RUNX1: variants seen among roughly 807,000 people sequenced by gnomAD.
RUNX1 encodes runt-related transcription factor 1.
A neutral mutation model predicts 42.8 loss-of-function variants in RUNX1; 19 were observed. The ratio of observed to expected loss-of-function variants is 0.44; its 90% confidence interval spans 0.31 to 0.65. The LOEUF is 0.65. Among genes scored for constraint, RUNX1 ranks in the 30% least tolerant of loss-of-function variants. RUNX1 has a pLI of 0.07. For synonymous variants in RUNX1, 271 were observed against 289.4 expected (o/e 0.94, Z 0.64); for missense variants, 528 against 672.0 (o/e 0.79, Z 2.37).
intron 2 of RUNX1, among the ~76,000 whole-genome samples, chr21:34,962,836 T>A (rs1281080780): frequency 2.0e-5 from 3 of 152,252 alleles, no homozygotes; most frequent in Non-Finnish European, 4.4e-5. Flanking sequence ...CTCACCGTTG[T>A]CACTGTCCTG....
chr21:34,791,971 G>T lies in RUNX1; in HGVS notation c.*164C>A, dbSNP rs1339892542. On this transcript the variant is annotated 3_prime_UTR_variant, in exon 9 of 9. Coordinates refer to ENST00000675419, the MANE Select transcript of RUNX1 (RefSeq NM_001754.5). The stretch of plus-strand genomic sequence containing the variant: ...GCTTCTGGGCGCAGGAGGCTGCGCG[G>T]GCCTGACCTACAGCGAGATCCTGGC... The T allele has an allele frequency of 2.2e-6, 1 of 445,364 alleles. No homozygotes were observed. Among genetic ancestry groups the T allele is most frequent in the Admixed American group, 3.9e-5 (1 of 25,440 alleles). The allele number at this position is 445,364 out of a possible 1,614,324, so 27.6% of individuals were successfully genotyped here. A position where few individuals can be genotyped will look rare whatever the true frequency, so the allele number is the denominator to read the frequency against.
chr21:34,797,141 A>C (rs1273966384), intron 8 of RUNX1, among the ~76,000 whole-genome samples: 2 of 152,222 alleles, frequency 1.3e-5, no homozygotes. Flanking sequence ...AGTTCTGCCA[A>C]ATTGAAGAGC....
chr21:34,993,092 T>TTCACCTCGTATCTGGCGGACGCCA (rs2058958110), intron 2 of RUNX1, among the ~76,000 whole-genome samples: 1 of 152,236 alleles, frequency 6.6e-6, no homozygotes, highest in Non-Finnish European at 1.5e-5. Context: ...TGCTGGGTGC[T>TTCACCTCGTATCTGGCGGACGCCA]TCACCTCGTA....
rs1051233371 is a variant in RUNX1, at chr21:34,822,988, G to A, written c.805+11422C>T. ...CAACTGGACATATGTAGTCCTTCCA[G>A]TGATATAAAGAGGAACTGGCACAGC... On this transcript the variant is annotated intron_variant, in intron 7 of 8. Coordinates refer to ENST00000675419, the MANE Select transcript of RUNX1 (RefSeq NM_001754.5). Among the ~76,000 whole-genome samples the A allele has an allele frequency of 2.6e-5, 4 of 152,290 alleles. No homozygotes were observed. The South Asian group carries it at 8.3e-4, about 32-fold the overall frequency.
intron 7 of RUNX1, among the ~76,000 whole-genome samples, chr21:34,831,316 A>C (rs2057060350): frequency 6.6e-6 from 1 of 152,184 alleles, no homozygotes; most frequent in Non-Finnish European, 1.5e-5. Context: ...GACCCCAACA[A>C]ATAAACAGTG....
At chr21:34,993,496 C>A (rs2058961789) in intron 2 of RUNX1, among the ~76,000 whole-genome samples, 1 of 120,388 alleles carries the variant, frequency 8.3e-6, no homozygotes, top group African/African-American at 3.8e-5. Context: ...TTTGTTTGTC[C>A]CTACACACAC....
At chr21:34,951,734 C>T (rs2058609606) in intron 2 of RUNX1, among the ~76,000 whole-genome samples, 2 of 152,132 alleles carry the variant, frequency 1.3e-5, no homozygotes, top group Non-Finnish European at 2.9e-5. Context: ...ACAACAGATG[C>T]TGGAGAGGAT....
intron 2 of RUNX1, among the ~76,000 whole-genome samples, chr21:34,959,811 T>C (rs1391958292): frequency 6.6e-6 from 1 of 152,092 alleles, no homozygotes; most frequent in East Asian, 1.9e-4. Flanking sequence ...CCTAGTCTTC[T>C]GGGGAGAGGC....
In RUNX1 at chr21:34,822,893, G is replaced by A. The variant is rs2056929145; in HGVS notation, c.805+11517C>T. ...CTCATGTGACCTGCAACTCCAGGAA[G>A]TGCAATCCCTAGTCACATTATTTCT... is the stretch of plus-strand genomic sequence containing the variant. On this transcript the variant is annotated intron_variant, in intron 7 of 8. Coordinates refer to ENST00000675419, the MANE Select transcript of RUNX1 (RefSeq NM_001754.5). Among the ~76,000 whole-genome samples the A allele has an allele frequency of 2.0e-5, 3 of 152,160 alleles. No homozygotes were observed. The East Asian group carries it at 5.8e-4, about 29-fold the overall frequency.
intron 2 of RUNX1, among the ~76,000 whole-genome samples, chr21:34,974,256 C>T (rs896599970): frequency 9.9e-5 from 15 of 152,154 alleles, no homozygotes; most frequent in Admixed American, 9.8e-4. Context: ...TAAGTAACCA[C>T]CAGTCACCTC....
chr21:34,914,933 C>T (rs1262469833), intron 2 of RUNX1, among the ~76,000 whole-genome samples: 2 of 152,172 alleles, frequency 1.3e-5, no homozygotes, highest in Non-Finnish European at 2.9e-5. Flanking sequence ...GATGGCAGAA[C>T]GAGCCCACTT....
chr21:34,803,219 C>T (rs1486596531), intron 7 of RUNX1, among the ~76,000 whole-genome samples: 1 of 152,048 alleles, frequency 6.6e-6, no homozygotes, highest in African/African-American at 2.4e-5. Flanking sequence ...GGCAGGAACT[C>T]AGTATCTCAA....
Position 34,790,045 on chromosome 21 carries a change from C to T in RUNX1, c.*2090G>A, listed in dbSNP as rs1008044645. The T allele has an allele frequency of 2.6e-5, 6 of 232,506 alleles. No homozygotes were observed. Among genetic ancestry groups the T allele is most frequent in the African/African-American group, 8.8e-5 (4 of 45,244 alleles). The allele number at this position is 232,506 out of a possible 1,614,324, so 14.4% of individuals were successfully genotyped here. On this transcript the variant is annotated 3_prime_UTR_variant, in exon 9 of 9. Transcript: ENST00000675419. ...GTAATTTAGCTGCAAAAATGTAATA[C>T]GGAATAATATATGAAACTGAGTTGT... is the stretch of plus-strand genomic sequence containing the variant.
Position 35,034,743 on chromosome 21 carries a change from G to A in RUNX1, c.58+14099C>T, listed in dbSNP as rs60745998. Among the ~76,000 whole-genome samples, 605 of 152,322 alleles carry A rather than the reference G, an allele frequency of 4.0e-3. 5 individuals carry two copies. The highest frequency in any genetic ancestry group is 0.013 in the African/African-American group (561 of 41,568). On this transcript the variant is annotated intron_variant, in intron 2 of 8. Transcript: ENST00000675419. Reference sequence around the variant, plus strand: ...CAAATGTCAACTGTGGCGAGGTCGGGAAACCCTGTCTGGTGTGAGCAGAGG... The same window carrying A: ...CAAATGTCAACTGTGGCGAGGTCGGAAAACCCTGTCTGGTGTGAGCAGAGG...
Position 34,792,303 on chromosome 21 carries a change from C to CGG in RUNX1, c.1273_1274dup (p.Pro426ArgfsTer169). 3.6e-5 allele frequency: 55 copies of CGG among 1,535,812 alleles called. No individual in the cohort carries two copies. Among genetic ancestry groups the CGG allele is most frequent in the Middle Eastern group, 1.7e-4 (1 of 5,868 alleles). Reference sequence around the variant, plus strand: ...TGGTGCAGGGCGGCAGGATGCGCGGCGGCGAGCGCTCGCCGCCCACCATGG... The same window carrying CGG: ...TGGTGCAGGGCGGCAGGATGCGCGGCGGGGCGAGCGCTCGCCGCCCACCATGG... On this transcript the variant is annotated frameshift_variant, in exon 9 of 9. Transcript: ENST00000675419. LOFTEE classifies it high-confidence loss of function. The surrounding 1 kb of genome is among the most constrained non-coding windows in gnomAD (Gnocchi z 6.9).
intron 6 of RUNX1, among the ~76,000 whole-genome samples, chr21:34,855,918 C>T (rs894491959): frequency 1.3e-5 from 2 of 152,130 alleles, no homozygotes; most frequent in Non-Finnish European, 2.9e-5. Context: ...GCTCTTGCTC[C>T]ATGATAAAGT....
intron 2 of RUNX1, among the ~76,000 whole-genome samples, chr21:34,897,587 T>C (rs2058140700): frequency 6.6e-6 from 1 of 152,182 alleles, no homozygotes; most frequent in Non-Finnish European, 1.5e-5. Context: ...TATTTAAATA[T>C]ATTGGGTGGT....
intron 2 of RUNX1, among the ~76,000 whole-genome samples, chr21:34,897,019 GC>G (rs2045505160): frequency 1.3e-5 from 2 of 152,166 alleles, no homozygotes; most frequent in South Asian, 4.1e-4. Context: ...TAAGATGGAA[GC>G]AACCTGAGAA....
At chr21:34,797,478 A>C (rs1454450361) in intron 8 of RUNX1, among the ~76,000 whole-genome samples, 1 of 152,234 alleles carries the variant, frequency 6.6e-6, no homozygotes, top group Non-Finnish European at 1.5e-5. Flanking sequence ...GGTGATGACC[A>C]AGTCAAAAGA....
Sources: gnomAD v4.1 joint callset for allele counts (sites outside exome capture counted in the v4.1 genomes callset) on GRCh38, gnomAD v4.1.1 for gene constraint, Gnocchi (gnomAD v3.1) non-coding constraint, MANE v1.5 for transcripts, NCBI Gene and HGNC (gene_info 2026-07-23, HGNC 2026-07-21) for gene names.